The following POFUT3 variants were observed in gnomAD, a reference collection of about 807,000 sequenced individuals.
POFUT3 encodes protein O-fucosyltransferase 3, also known as GDP-fucose protein O-fucosyltransferase 3.
the POFUT3 span, among the ~76,000 whole-genome samples, chr8:33,431,266 G>A: frequency 6.6e-6 from 1 of 151,892 alleles, no homozygotes; most frequent in East Asian, 1.9e-4. Flanking sequence ...ACCCTAGTTG[G>A]CCAGGCACGG....
the POFUT3 span, among the ~76,000 whole-genome samples, chr8:33,380,217 A>ATATATATATAG: frequency 1.9e-5 from 1 of 51,560 alleles, no homozygotes; most frequent in Non-Finnish European, 3.2e-5. Flanking sequence ...TATATATACT[A>ATATATATATAG]TATATATATA....
the POFUT3 span, among the ~76,000 whole-genome samples, chr8:33,426,449 C>T: frequency 6.6e-6 from 1 of 152,102 alleles, no homozygotes; most frequent in Non-Finnish European, 1.5e-5. Flanking sequence ...AGTGAAGACA[C>T]AAAGAAGCTG....
the POFUT3 span, among the ~76,000 whole-genome samples, chr8:33,346,750 ACATGAGCCCC>A: frequency 6.6e-6 from 1 of 152,190 alleles, no homozygotes; most frequent in Non-Finnish European, 1.5e-5. Context: ...GCAAAGAAAG[ACATGAGCCCC>A]CAGGATAAAA....
the POFUT3 span, among the ~76,000 whole-genome samples, chr8:33,448,313 A>G: frequency 2.0e-5 from 3 of 152,108 alleles, no homozygotes; most frequent in Non-Finnish European, 4.4e-5. Flanking sequence ...TGACTCCTCA[A>G]CACTATCCTA....
the POFUT3 span, among the ~76,000 whole-genome samples, chr8:33,407,302 T>C: frequency 6.6e-5 from 10 of 152,290 alleles, no homozygotes; most frequent in South Asian, 2.1e-3. Flanking sequence ...GATAGAACAA[T>C]GCCTTCTAAT....
At chr8:33,321,664 C>T in the POFUT3 span, among the ~76,000 whole-genome samples, 1 of 152,084 alleles carries the variant, frequency 6.6e-6, no homozygotes, top group Admixed American at 6.6e-5. Context: ...GATTCCATTT[C>T]TCAATGGGGG....
At chr8:33,369,045 C>G in the POFUT3 span, among the ~76,000 whole-genome samples, 1 of 152,164 alleles carries the variant, frequency 6.6e-6, no homozygotes, top group Non-Finnish European at 1.5e-5. Context: ...GTGTACCACC[C>G]CAGGTACTAT....
At chr8:33,327,506 A>C in the POFUT3 span, among the ~76,000 whole-genome samples, 1 of 152,104 alleles carries the variant, frequency 6.6e-6, no homozygotes. Context: ...ACCCCCAAGA[A>C]AGTCGAAGTC....
the POFUT3 span, among the ~76,000 whole-genome samples, chr8:33,421,278 T>C: frequency 1.3e-5 from 2 of 152,208 alleles, no homozygotes; most frequent in African/African-American, 2.4e-5. Context: ...TCTTGTTCCA[T>C]TGCAAGGTTT....
chr8:33,312,504 A>G, the POFUT3 span, among the ~76,000 whole-genome samples: 1 of 152,114 alleles, frequency 6.6e-6, no homozygotes, highest in Non-Finnish European at 1.5e-5. Context: ...CTCTGTTTCT[A>G]GCATGCAACT....
At chr8:33,436,297 T>G in the POFUT3 span, 5 of 1,346,130 alleles carry the variant, frequency 3.7e-6, no homozygotes, top group Non-Finnish European at 5.3e-6. Context: ...TGAAACTCTG[T>G]GTTATCAAGG....
the POFUT3 span, among the ~76,000 whole-genome samples, chr8:33,434,974 T>C: frequency 5.3e-5 from 8 of 152,132 alleles, no homozygotes; most frequent in Non-Finnish European, 1.0e-4. Flanking sequence ...CCAGTGGCTG[T>C]CCAAGGAACA....
chr8:33,310,752 C>T, the POFUT3 span, among the ~76,000 whole-genome samples: 2 of 151,938 alleles, frequency 1.3e-5, no homozygotes, highest in African/African-American at 2.4e-5. Flanking sequence ...AGAGCTGTGC[C>T]ATTTCCATCT....
At chr8:33,352,779 G>A in the POFUT3 span, among the ~76,000 whole-genome samples, 4 of 152,150 alleles carry the variant, frequency 2.6e-5, no homozygotes, top group Admixed American at 2.0e-4. Flanking sequence ...TTTGAATGTC[G>A]GGACTTGGCA....
At chr8:33,425,948 G>A in the POFUT3 span, among the ~76,000 whole-genome samples, 1 of 151,380 alleles carries the variant, frequency 6.6e-6, no homozygotes, top group Non-Finnish European at 1.5e-5. Context: ...TGTTGCTCCA[G>A]GCTGGAGTGC....
the POFUT3 span, among the ~76,000 whole-genome samples, chr8:33,385,029 TA>T: frequency 6.6e-6 from 1 of 152,096 alleles, no homozygotes; most frequent in African/African-American, 2.4e-5. Context: ...TGGAATAGCC[TA>T]TAAATAGCTC....
chr8:33,431,571 AAAAAAAAAAAAAAAAGAAT>A, the POFUT3 span, among the ~76,000 whole-genome samples: 1 of 138,452 alleles, frequency 7.2e-6, no homozygotes, highest in Non-Finnish European at 1.5e-5. Flanking sequence ...AAAAAAAAAA[AAAAAAAAAAAAAAAAGAAT>A]ATCCTAATTG....
chr8:33,471,829 G>A, the POFUT3 span, among the ~76,000 whole-genome samples: 12 of 152,212 alleles, frequency 7.9e-5, no homozygotes, highest in South Asian at 2.5e-3. Context: ...AGCAGGAAGC[G>A]AGCAAGAGTT....
the POFUT3 span, among the ~76,000 whole-genome samples, chr8:33,328,809 A>G: frequency 6.6e-6 from 1 of 152,150 alleles, no homozygotes; most frequent in Admixed American, 6.5e-5. Context: ...TGTAAAGGCA[A>G]AAGGAGCACC....
Sources: gnomAD v4.1 joint callset for allele counts (sites outside exome capture counted in the v4.1 genomes callset) on GRCh38, gnomAD v4.1.1 for gene constraint, MANE v1.5 for transcripts, NCBI Gene and HGNC (gene_info 2026-07-23, HGNC 2026-07-21) for gene names.